The following SLC5A12 variants were observed in gnomAD, a reference collection of about 807,000 sequenced individuals.
SLC5A12 encodes the protein sodium-coupled monocarboxylate transporter 2.
In SLC5A12, 46 loss-of-function variants were observed where a neutral mutation model predicts 72.7. That is an observed-to-expected ratio of 0.63 (90% CI 0.50 to 0.81). SLC5A12 has a LOEUF of 0.81. Ranked by LOEUF, SLC5A12 falls within the 30% of genes least tolerant of loss-of-function variation. The pLI, the probability that SLC5A12 is intolerant of heterozygous loss-of-function variation, is 0.00. For missense variants in SLC5A12, 683 were observed against 740.7 expected (o/e 0.92, Z 0.90); for synonymous variants, 275 against 264.4 (o/e 1.04, Z -0.39).
At chr11:26,721,314 CA>C (rs1313235636) in intron 1 of SLC5A12, 61 bp downstream of exon 1, 19 of 1,190,478 alleles carry the variant, frequency 1.6e-5, no homozygotes, top group Non-Finnish European at 2.3e-5. Flanking sequence ...CTTCAACTAC[CA>C]GGTGCTATCA....
rs767257357 is a variant in SLC5A12, at chr11:26,712,726, A to C, written c.340-20T>G. The stretch of plus-strand genomic sequence containing the variant: ...TAAGTACTAAAGGAAACAGAAAGAC[A>C]TGCAGAGTCAGTGAGGTTTAGATAA... On this transcript the variant is annotated intron_variant, in intron 1 of 14. Coordinates refer to ENST00000396005, the MANE Select transcript of SLC5A12 (RefSeq NM_178498.4). The C allele has an allele frequency of 3.5e-5, 54 of 1,563,970 alleles. No homozygotes were observed. Among genetic ancestry groups the C allele is most frequent in the Admixed American group, 1.3e-4 (8 of 59,486 alleles).
chr11:26,710,569 G>A (rs1270762303), intron 3 of SLC5A12, among the ~76,000 whole-genome samples: 2 of 152,064 alleles, frequency 1.3e-5, no homozygotes, highest in South Asian at 2.1e-4. Flanking sequence ...TCTCATTGTG[G>A]TTTTGATTTG....
chr11:26,695,153 T>C (rs1479096851), intron 8 of SLC5A12, among the ~76,000 whole-genome samples: 1 of 151,966 alleles, frequency 6.6e-6, no homozygotes, highest in African/African-American at 2.4e-5. Flanking sequence ...ATTAAGGTAT[T>C]AACCTAATAG....
intron 11 of SLC5A12, among the ~76,000 whole-genome samples, chr11:26,682,740 A>G (rs77189945): frequency 0.011 from 1,680 of 152,258 alleles, 36 homozygotes; most frequent in African/African-American, 0.038. Flanking sequence ...TTAACAGTGC[A>G]CTAAAATCTT....
intron 6 of SLC5A12, among the ~76,000 whole-genome samples, chr11:26,702,804 C>A (rs1178218699): frequency 6.6e-6 from 1 of 152,068 alleles, no homozygotes; most frequent in African/African-American, 2.4e-5. Flanking sequence ...TGAGCTTAAC[C>A]TTTGCAAATA....
At chr11:26,702,889 C>T (rs1041926271) in intron 6 of SLC5A12, among the ~76,000 whole-genome samples, 1 of 152,168 alleles carries the variant, frequency 6.6e-6, no homozygotes. Flanking sequence ...ATGCTAACTA[C>T]TCAGAAACCA....
chr11:26,714,954 A>G (rs1253053841), intron 1 of SLC5A12, among the ~76,000 whole-genome samples: 1 of 152,170 alleles, frequency 6.6e-6, no homozygotes, highest in African/African-American at 2.4e-5. Context: ...GGCATCAGAC[A>G]TAAGGAAAAT....
chr11:26,670,936 G>T lies in SLC5A12; in HGVS notation c.*166C>A. The T allele has an allele frequency of 3.6e-6, 2 of 554,006 alleles. No individual in the cohort carries two copies. Among genetic ancestry groups the T allele is most frequent in the Non-Finnish European group, 5.8e-6 (2 of 346,156 alleles). The allele number at this position is 554,006 out of a possible 1,614,324, so 34.3% of individuals were successfully genotyped here. Reference sequence around the variant, plus strand: ...CTTTCAAAGAATATCCCGAGAGACAGTCATTTTGCATGTAGTTATAAATAA... The same window carrying T: ...CTTTCAAAGAATATCCCGAGAGACATTCATTTTGCATGTAGTTATAAATAA... On this transcript the variant is annotated 3_prime_UTR_variant, in exon 15 of 15. Transcript: ENST00000396005.
Position 26,712,628 on chromosome 11 carries a change from C to A in SLC5A12, c.405+13G>T. On this transcript the variant is annotated intron_variant, in intron 2 of 14. Transcript: ENST00000396005. ...TCACAGTTTCCACATCTGCAGCAGC[C>A]ATGACCACTTACCGTCTGTACAATG... The A allele has an allele frequency of 6.6e-7, 1 of 1,520,074 alleles. No individual in the cohort carries two copies. Among genetic ancestry groups the A allele is most frequent in the South Asian group, 1.3e-5 (1 of 76,978 alleles). The allele number at this position is 1,520,074 out of a possible 1,614,324, so 94.2% of individuals were successfully genotyped here. A position where few individuals can be genotyped will look rare whatever the true frequency, so the allele number is the denominator to read the frequency against.
intron 3 of SLC5A12, 84 bp downstream of exon 3, chr11:26,711,223 C>T: frequency 1.7e-6 from 2 of 1,145,520 alleles, no homozygotes; most frequent in Non-Finnish European, 1.3e-6. Context: ...ATCTCCCCAA[C>T]AAAGTATTTT....
At chr11:26,687,511 A>T (rs1397676518) in intron 9 of SLC5A12, among the ~76,000 whole-genome samples, 1 of 152,246 alleles carries the variant, frequency 6.6e-6, no homozygotes, top group Non-Finnish European at 1.5e-5. Context: ...TGCCAGTGCC[A>T]TAAAGTTAGA....
chr11:26,697,346 C>G, intron 7 of SLC5A12, 94 bp from the exon 8 acceptor site: 1 of 1,081,198 alleles, frequency 9.2e-7, no homozygotes, highest in Non-Finnish European at 1.3e-6. Context: ...TAGTGGTCTT[C>G]TCATCAGTGT....
In SLC5A12 at chr11:26,721,872, C is replaced by CAGT; in HGVS notation, c.-159_-158insACT. The CAGT allele has an allele frequency of 1.5e-6, 1 of 674,346 alleles. No individual in the cohort carries two copies. Among genetic ancestry groups the CAGT allele is most frequent in the Non-Finnish European group, 2.6e-6 (1 of 387,954 alleles). 41.8% of individuals were successfully genotyped at this position (674,346 alleles called of 1,614,324 possible). A position where few individuals can be genotyped will look rare whatever the true frequency, so the allele number is the denominator to read the frequency against. On this transcript the variant is annotated 5_prime_UTR_variant, in exon 1 of 15. Coordinates refer to ENST00000396005, the MANE Select transcript of SLC5A12 (RefSeq NM_178498.4). Reference sequence around the variant, plus strand: ...AGAGGCACTCGTGTGAATCTTCAGACACCAACGTGTACTTAGTGAAGATCT... The same window carrying CAGT: ...AGAGGCACTCGTGTGAATCTTCAGACAGTACCAACGTGTACTTAGTGAAGATCT...
intron 8 of SLC5A12, among the ~76,000 whole-genome samples, chr11:26,693,468 G>A (rs912818309): frequency 6.6e-6 from 1 of 152,144 alleles, no homozygotes; most frequent in African/African-American, 2.4e-5. Context: ...TCCAATCAGA[G>A]CTCAATCTTA....
intron 4 of SLC5A12, among the ~76,000 whole-genome samples, chr11:26,708,077 T>G (rs6484244): frequency 0.99 from 150,513 of 152,080 alleles, 74,508 homozygotes; most frequent in Middle Eastern, 1. Flanking sequence ...CATGCATCCT[T>G]CCTACTCACA....
At chr11:26,673,312 C>T in intron 14 of SLC5A12, 90 bp downstream of exon 14, 1 of 1,314,464 alleles carries the variant, frequency 7.6e-7, no homozygotes, top group Admixed American at 2.9e-5. Context: ...CTTTCCCTTT[C>T]CAGTGCATCT....
At chr11:26,716,449 G>C (rs1435794946) in intron 1 of SLC5A12, 1 of 152,092 alleles carries the variant, frequency 6.6e-6, no homozygotes, top group Non-Finnish European at 1.5e-5. Flanking sequence ...TTCATTCAGT[G>C]GTCACCTTTG....
chr11:26,716,735 C>T (rs915914420), intron 1 of SLC5A12, among the ~76,000 whole-genome samples: 1 of 152,046 alleles, frequency 6.6e-6, no homozygotes, highest in African/African-American at 2.4e-5. Flanking sequence ...TGGGTGCTTG[C>T]CCCCCACTTT....
intron 6 of SLC5A12, among the ~76,000 whole-genome samples, chr11:26,701,228 C>A (rs1394928144): frequency 6.6e-6 from 1 of 152,140 alleles, no homozygotes; most frequent in Non-Finnish European, 1.5e-5. Context: ...TGATTTCTCT[C>A]TCCTGAATTT....
Sources: gnomAD v4.1 joint callset for allele counts (sites outside exome capture counted in the v4.1 genomes callset) on GRCh38, gnomAD v4.1.1 for gene constraint, MANE v1.5 for transcripts, NCBI Gene and HGNC (gene_info 2026-07-23, HGNC 2026-07-21) for gene names.